Variants in PARD3 observed in about 807,000 individuals in gnomAD.
PARD3 encodes the protein partitioning defective 3 homolog.
PARD3 carries 75 observed loss-of-function variants against 155.4 expected under a neutral mutation model. The observed-to-expected ratio is 0.48, with a 90% CI of 0.40 to 0.58. PARD3 has a LOEUF of 0.58. Ranked by LOEUF, PARD3 falls within the 20% of genes least tolerant of loss-of-function variation. The probability of loss-of-function intolerance (pLI) is 0.00; values close to 1 mark genes in which losing one functional copy is unlikely to be tolerated. For synonymous variants in PARD3, 576 were observed against 610.5 expected, an observed-to-expected ratio of 0.94 and a Z score of 0.83; for missense variants, 1,642 against 1,721.7, an observed-to-expected ratio of 0.95 and a Z score of 0.82.
At chr10:34,677,531 G>A (rs1037419564) in intron 2 of PARD3, among the ~76,000 whole-genome samples, 1 of 151,170 alleles carries the variant, frequency 6.6e-6, no homozygotes, top group African/African-American at 2.4e-5. Context: ...GCAGACATAT[G>A]AGGACCAAAA....
intron 1 of PARD3, among the ~76,000 whole-genome samples, chr10:34,773,194 CT>C (rs1195890616): frequency 6.6e-6 from 1 of 152,192 alleles, no homozygotes; most frequent in African/African-American, 2.4e-5. Context: ...TCTATAAACG[CT>C]TGCCCCACAA....
intron 22 of PARD3, among the ~76,000 whole-genome samples, chr10:34,177,922 AC>A (rs972977026): frequency 2.0e-5 from 3 of 152,146 alleles, no homozygotes; most frequent in African/African-American, 7.2e-5. Context: ...AATTTCTTCA[AC>A]TGCTTCTCGC....
chr10:34,271,603 GGA>G (rs1955613154), intron 21 of PARD3, among the ~76,000 whole-genome samples: 1 of 152,170 alleles, frequency 6.6e-6, no homozygotes, highest in South Asian at 2.1e-4. Context: ...CATGCATAAT[GGA>G]GAAAGACTGA....
intron 1 of PARD3, among the ~76,000 whole-genome samples, chr10:34,726,583 A>G (rs1473405728): frequency 1.3e-5 from 2 of 152,032 alleles, no homozygotes; most frequent in Non-Finnish European, 2.9e-5. Flanking sequence ...ACCCTGTCTC[A>G]AAACACACAC....
At chr10:34,301,684 G>A (rs1957152943) in intron 20 of PARD3, among the ~76,000 whole-genome samples, 1 of 151,984 alleles carries the variant, frequency 6.6e-6, no homozygotes. Flanking sequence ...CATATCACAG[G>A]CTTATGAGAT....
rs114438029 is a variant in PARD3, at chr10:34,741,650, T to A, written c.121-45231A>T. The stretch of plus-strand genomic sequence containing the variant: ...ACAGAACAAAGAGAATGCCCTGCTG[T>A]CAGCACAAAAACTCTTCCCATGCTG... On this transcript the variant is annotated intron_variant, in intron 1 of 24. Coordinates refer to ENST00000374788, the MANE Select transcript of PARD3 (RefSeq NM_001184785.2). 9.7e-3 allele frequency among the ~76,000 whole-genome samples: 1,470 copies of A among 152,280 alleles called. 28 individuals are homozygous for A. The highest frequency in any genetic ancestry group is 0.033 in the African/African-American group (1,392 of 41,564).
chr10:34,698,679 T>C (rs1385178970), intron 1 of PARD3, among the ~76,000 whole-genome samples: 7 of 152,314 alleles, frequency 4.6e-5, no homozygotes, highest in East Asian at 1.9e-4. Context: ...AGTGCTGGGA[T>C]GATAGGCATG....
At chr10:34,153,303 C>A (rs145871768) in intron 22 of PARD3, among the ~76,000 whole-genome samples, 5 of 152,110 alleles carry the variant, frequency 3.3e-5, no homozygotes, top group Non-Finnish European at 7.4e-5. Flanking sequence ...TGAGATACTG[C>A]GCCTGTCCAG....
chr10:34,397,566 G>A (rs1474800045), intron 7 of PARD3, among the ~76,000 whole-genome samples: 1 of 152,106 alleles, frequency 6.6e-6, no homozygotes, highest in Admixed American at 6.5e-5. Flanking sequence ...TAAATGCCAT[G>A]GTAACCAGAA....
intron 1 of PARD3, among the ~76,000 whole-genome samples, chr10:34,697,485 C>T (rs763469072): frequency 3.3e-5 from 5 of 152,068 alleles, no homozygotes; most frequent in East Asian, 1.9e-4. Context: ...AGCAGGGGTG[C>T]GGGGAGAATC....
chr10:34,363,569 T>C (rs74134115), intron 12 of PARD3, among the ~76,000 whole-genome samples: 5,119 of 152,292 alleles, frequency 0.034, 289 homozygotes, highest in African/African-American at 0.12. Context: ...AATGCTATAT[T>C]ACTGAGAATG....
intron 24 of PARD3, among the ~76,000 whole-genome samples, chr10:34,114,441 T>G (rs1946556940): frequency 6.6e-6 from 1 of 152,090 alleles, no homozygotes; most frequent in Non-Finnish European, 1.5e-5. Flanking sequence ...CTTCCTGGGT[T>G]CAAGCGATTC....
Position 34,134,613 on chromosome 10 carries a change from G to A in PARD3, c.3420-3030C>T, listed in dbSNP as rs555557022. On this transcript the variant is annotated intron_variant, in intron 22 of 24. Coordinates refer to ENST00000374788, the MANE Select transcript of PARD3 (RefSeq NM_001184785.2). The stretch of plus-strand genomic sequence containing the variant: ...CTGCCCTTGTTTCCAAATCTGGGGA[G>A]CTAGGCAGACCTTTGGTTTCACCCC... Among the ~76,000 whole-genome samples the A allele has an allele frequency of 9.8e-5, 15 of 152,348 alleles. No homozygotes were observed. The South Asian group carries it at 3.1e-3, about 32-fold the overall frequency.
At chr10:34,565,767 T>C (rs188917089) in intron 2 of PARD3, among the ~76,000 whole-genome samples, 10 of 152,218 alleles carry the variant, frequency 6.6e-5, no homozygotes, top group East Asian at 3.9e-4. Context: ...CCTGTGGAAA[T>C]TGACAACACT....
intron 2 of PARD3, among the ~76,000 whole-genome samples, chr10:34,660,422 G>C (rs1447096020): frequency 1.3e-5 from 2 of 152,074 alleles, no homozygotes; most frequent in Admixed American, 1.3e-4. Context: ...TAAAATTTTA[G>C]TACATAAAGA....
intron 23 of PARD3, among the ~76,000 whole-genome samples, chr10:34,125,913 C>T (rs997676817): frequency 1.3e-5 from 2 of 152,232 alleles, no homozygotes; most frequent in Non-Finnish European, 2.9e-5. Context: ...GTTGGCAACA[C>T]TCAGGTATCT....
At chr10:34,477,102 C>G (rs1041445142) in intron 3 of PARD3, among the ~76,000 whole-genome samples, 10 of 152,084 alleles carry the variant, frequency 6.6e-5, no homozygotes, top group Admixed American at 6.6e-4. Flanking sequence ...TTTCTGGGGC[C>G]CATGGCCTAT....
chr10:34,244,299 T>A (rs973587650), intron 22 of PARD3, among the ~76,000 whole-genome samples: 3 of 152,196 alleles, frequency 2.0e-5, no homozygotes, highest in African/African-American at 7.2e-5. Context: ...GATTAAGGGA[T>A]AATATATTTC....
At chr10:34,660,549 A>T (rs1415932049) in intron 2 of PARD3, among the ~76,000 whole-genome samples, 4 of 152,114 alleles carry the variant, frequency 2.6e-5, no homozygotes, top group African/African-American at 9.7e-5. Context: ...CCATGTACAC[A>T]GCAGCCCTCA....
Sources: gnomAD v4.1 joint callset for allele counts (sites outside exome capture counted in the v4.1 genomes callset) on GRCh38, gnomAD v4.1.1 for gene constraint, MANE v1.5 for transcripts, NCBI Gene and HGNC (gene_info 2026-07-23, HGNC 2026-07-21) for gene names.